Variants in EYS observed in about 807,000 individuals in gnomAD.
EYS encodes protein eyes shut homolog.
In EYS, 250 loss-of-function variants were observed where a neutral mutation model predicts 282.1. The observed-to-expected ratio is 0.89, with a 90% CI of 0.80 to 0.98. The LOEUF is 0.98. Ranked by LOEUF, EYS falls within the 50% of genes least tolerant of loss-of-function variation. The probability of loss-of-function intolerance (pLI) is 0.00; values close to 1 mark genes in which losing one functional copy is unlikely to be tolerated. For missense variants in EYS, 4,016 were observed against 3,709.0 expected, an observed-to-expected ratio of 1.08 and a Z score of -2.15; for synonymous variants, 1,355 against 1,282.9, an observed-to-expected ratio of 1.06 and a Z score of -1.20.
chr6:64,061,756 G>A (rs562695287), intron 33 of EYS, among the ~76,000 whole-genome samples: 60 of 152,216 alleles, frequency 3.9e-4, no homozygotes, highest in Non-Finnish European at 6.2e-4. Flanking sequence ...TAGGAGGGCC[G>A]TGGAGGGTGG....
At chr6:65,436,647 T>C (rs138790875) in intron 5 of EYS, among the ~76,000 whole-genome samples, 47 of 152,206 alleles carry the variant, frequency 3.1e-4, no homozygotes, top group African/African-American at 1.1e-3. Flanking sequence ...TAAATCAACA[T>C]AGTGACAATC....
chr6:64,913,128 C>T (rs1303912396), intron 15 of EYS, among the ~76,000 whole-genome samples: 1 of 152,032 alleles, frequency 6.6e-6, no homozygotes, highest in Non-Finnish European at 1.5e-5. Context: ...AATTCAGCGT[C>T]CTTAGCAATA....
intron 26 of EYS, among the ~76,000 whole-genome samples, chr6:64,500,736 G>A (rs1363693125): frequency 6.6e-6 from 1 of 152,050 alleles, no homozygotes; most frequent in Non-Finnish European, 1.5e-5. Context: ...GTGGTAAATT[G>A]TTACCACAGA....
At chr6:65,650,210 C>G (rs924983037) in intron 1 of EYS, among the ~76,000 whole-genome samples, 2 of 152,066 alleles carry the variant, frequency 1.3e-5, no homozygotes, top group African/African-American at 4.8e-5. Context: ...GTATCTATAC[C>G]ATATAATACT....
intron 12 of EYS, among the ~76,000 whole-genome samples, chr6:65,136,379 A>G (rs1163490582): frequency 1.3e-5 from 2 of 152,004 alleles, no homozygotes; most frequent in Admixed American, 1.3e-4. Context: ...AGGTCATTAT[A>G]GTACAAATCA....
At chr6:63,980,942 G>A (rs1422724769) in intron 35 of EYS, among the ~76,000 whole-genome samples, 7 of 151,894 alleles carry the variant, frequency 4.6e-5, no homozygotes, top group Admixed American at 2.0e-4. Context: ...CATGAAGTCA[G>A]TTCAGATCCA....
intron 26 of EYS, among the ~76,000 whole-genome samples, chr6:64,567,128 T>C (rs1046288887): frequency 5.3e-5 from 8 of 151,832 alleles, no homozygotes; most frequent in Non-Finnish European, 8.8e-5. Flanking sequence ...GTAACCCTTA[T>C]TTTTTTAAGC....
In EYS at chr6:64,853,399, C is replaced by A. The variant is rs183621912; in HGVS notation, c.2993-30577G>T. Among the ~76,000 whole-genome samples, 10 of 152,182 alleles carry A rather than the reference C, an allele frequency of 6.6e-5. No individual in the cohort carries two copies. The East Asian group carries it at 1.9e-3, about 29-fold the overall frequency. On this transcript the variant is annotated intron_variant, in intron 19 of 42. Coordinates refer to ENST00000503581, the MANE Select transcript of EYS (RefSeq NM_001142800.2). The stretch of plus-strand genomic sequence containing the variant: ...TAGATAATTTTGTGTCCAGGGCTTT[C>A]TTTTTCCATGCAGAATACCAGGTTT...
chr6:64,306,384 A>T (rs1414276255), intron 30 of EYS, among the ~76,000 whole-genome samples: 2 of 152,160 alleles, frequency 1.3e-5, no homozygotes, highest in African/African-American at 4.8e-5. Flanking sequence ...ATAAGGGGTC[A>T]TTTTAATTGT....
intron 2 of EYS, among the ~76,000 whole-genome samples, chr6:65,629,834 C>T (rs577263055): frequency 9.2e-5 from 14 of 152,124 alleles, no homozygotes; most frequent in Non-Finnish European, 1.9e-4. Flanking sequence ...TCCACTAAGT[C>T]ATCCACCTCT....
At chr6:65,464,222 A>G (rs1244157706) in intron 5 of EYS, among the ~76,000 whole-genome samples, 2 of 152,174 alleles carry the variant, frequency 1.3e-5, no homozygotes, top group African/African-American at 4.8e-5. Flanking sequence ...AACCAAGATC[A>G]CAGGAGACAC....
chr6:64,983,402 T>A (rs1220599197), intron 14 of EYS, among the ~76,000 whole-genome samples: 9 of 151,284 alleles, frequency 5.9e-5, no homozygotes. Context: ...GCATATGAGC[T>A]ATTTGTGTCA....
At chr6:64,247,398 C>T (rs918358887) in intron 30 of EYS, among the ~76,000 whole-genome samples, 4 of 152,118 alleles carry the variant, frequency 2.6e-5, no homozygotes, top group Admixed American at 6.5e-5. Context: ...GTATCTATTT[C>T]GTGGAAAGGA....
At chr6:63,934,538 G>A (rs1023765835) in intron 35 of EYS, among the ~76,000 whole-genome samples, 1 of 152,120 alleles carries the variant, frequency 6.6e-6, no homozygotes, top group African/African-American at 2.4e-5. Context: ...AGAAAATGTG[G>A]CACATACACA....
At chr6:63,789,267 T>C in intron 37 of EYS, 43 bp from the exon 38 acceptor site, 1 of 1,530,478 alleles carries the variant, frequency 6.5e-7, no homozygotes, top group Non-Finnish European at 8.8e-7. Flanking sequence ...TGAGAGGAAA[T>C]TCAGGAGTTC....
At chr6:64,067,833 T>C (rs1679444431) in intron 32 of EYS, among the ~76,000 whole-genome samples, 1 of 152,168 alleles carries the variant, frequency 6.6e-6, no homozygotes, top group Admixed American at 6.6e-5. Flanking sequence ...ATGCCACAGT[T>C]AATTCATTAT....
At chr6:64,777,118 T>TG (rs1026915064) in intron 22 of EYS, among the ~76,000 whole-genome samples, 2 of 152,112 alleles carry the variant, frequency 1.3e-5, no homozygotes, top group African/African-American at 2.4e-5. Flanking sequence ...GAGAACAAGA[T>TG]GGGGGGAACC....
intron 1 of EYS, among the ~76,000 whole-genome samples, chr6:65,640,521 C>A (rs1767241229): frequency 6.6e-6 from 1 of 152,040 alleles, no homozygotes; most frequent in African/African-American, 2.4e-5. Context: ...ACTCCTCTGT[C>A]TGAAAAGTAT....
chr6:65,320,236 CA>C (rs67985215), intron 11 of EYS, among the ~76,000 whole-genome samples: 99,128 of 151,010 alleles, frequency 0.66, 32,914 homozygotes, highest in East Asian at 0.9. Context: ...GGCTGCGAGT[CA>C]GCCAATGAGA....
Sources: allele counts gnomAD v4.1 joint callset (sites outside exome capture counted in the v4.1 genomes callset), GRCh38; gene constraint gnomAD v4.1.1; transcripts MANE v1.5; gene names NCBI Gene and HGNC (gene_info 2026-07-23, HGNC 2026-07-21).